Variants in GNA12 observed in about 807,000 individuals in gnomAD.
GNA12 encodes the protein G protein subunit alpha 12.
A neutral mutation model predicts 26.0 loss-of-function variants in GNA12; 9 were observed. The ratio of observed to expected loss-of-function variants is 0.35; its 90% CI spans 0.21 to 0.60. The LOEUF (loss-of-function observed/expected upper bound fraction) is 0.60, where lower values mean the gene tolerates loss of function less well. GNA12 is among the 20% of genes least tolerant of loss of function. The pLI is 0.78. For synonymous variants in GNA12, 264 were observed against 219.6 expected (o/e 1.20, Z -1.79); for missense variants, 405 against 525.8 (o/e 0.77, Z 2.25).
chr7:2,770,328 A>T lies in GNA12; in HGVS notation c.525+24600T>A, dbSNP rs1036887289. Reference sequence around the variant, plus strand: ...TTTGGAAATTAAATTAAATGATCACACAATTTTAAATTTAGGCTCAAATTG... The same window carrying T: ...TTTGGAAATTAAATTAAATGATCACTCAATTTTAAATTTAGGCTCAAATTG... On this transcript the variant is annotated intron_variant, in intron 2 of 3. Transcript: ENST00000275364. 2.0e-5 allele frequency among the ~76,000 whole-genome samples: 3 copies of T among 152,238 alleles called. No individual in the cohort carries two copies. The South Asian group carries it at 6.2e-4, about 32-fold the overall frequency.
intron 1 of GNA12, among the ~76,000 whole-genome samples, chr7:2,815,720 C>A (rs75897336): frequency 1.3e-5 from 2 of 152,188 alleles, no homozygotes; most frequent in Non-Finnish European, 2.9e-5. Flanking sequence ...TGGTGCTCCC[C>A]GTGTGGCCCC....
chr7:2,814,959 C>G (rs904462254), intron 1 of GNA12: 3 of 1,565,378 alleles, frequency 1.9e-6, no homozygotes, highest in African/African-American at 2.7e-5. Flanking sequence ...AGTAGGCGCT[C>G]TGCACTCGGC....
chr7:2,813,707 C>T (rs1166821259), intron 1 of GNA12, among the ~76,000 whole-genome samples: 1 of 152,190 alleles, frequency 6.6e-6, no homozygotes, highest in Non-Finnish European at 1.5e-5. Context: ...ACAGCGTATT[C>T]GTTAGGAGAT....
intron 1 of GNA12, among the ~76,000 whole-genome samples, chr7:2,816,398 T>G (rs1421021642): frequency 6.6e-6 from 1 of 152,140 alleles, no homozygotes; most frequent in East Asian, 1.9e-4. Context: ...GCCCAGCTAA[T>G]TTTTGTATTT....
intron 2 of GNA12, among the ~76,000 whole-genome samples, chr7:2,744,217 GCCT>G (rs1790653506): frequency 6.6e-6 from 1 of 152,356 alleles, no homozygotes; most frequent in Non-Finnish European, 1.5e-5. Context: ...CGGGCAGACT[GCCT>G]CCTCAAGTGG....
At chr7:2,820,451 G>A (rs545781525) in intron 1 of GNA12, among the ~76,000 whole-genome samples, 3 of 143,510 alleles carry the variant, frequency 2.1e-5, no homozygotes, top group East Asian at 2.0e-4. Flanking sequence ...GCTCATGCCT[G>A]TAATCCCAGC....
At chr7:2,833,995 C>A (rs1778756886) in intron 1 of GNA12, among the ~76,000 whole-genome samples, 1 of 152,162 alleles carries the variant, frequency 6.6e-6, no homozygotes. Flanking sequence ...AGCTGTTAAC[C>A]TGCAGTGCAT....
At position 2,730,393 on chromosome 7, in the gene GNA12, G is replaced by A. The variant is rs41308317; in HGVS notation, c.*788C>T. 674 of 152,646 alleles carry A rather than the reference G, an allele frequency of 4.4e-3. 6 individuals are homozygous for A. The highest frequency in any genetic ancestry group is 0.038 in the East Asian group (203 of 5,324). 9.5% of individuals were successfully genotyped at this position (152,646 alleles called of 1,614,324 possible). On this transcript the variant is annotated 3_prime_UTR_variant, in exon 4 of 4. Transcript: ENST00000275364. ...GTGCACGGACGGAGCGGCAGTCACCGTGGGCATCCTGTCTCACTCCGTGTT... is the reference window on the plus strand; with the variant it reads ...GTGCACGGACGGAGCGGCAGTCACCATGGGCATCCTGTCTCACTCCGTGTT...
intron 2 of GNA12, among the ~76,000 whole-genome samples, chr7:2,770,516 G>A (rs1415633500): frequency 6.6e-6 from 1 of 152,142 alleles, no homozygotes; most frequent in Non-Finnish European, 1.5e-5. Context: ...AGCTACCCAG[G>A]AGGCTGAAGT....
chr7:2,797,472 A>T (rs1232666693), intron 1 of GNA12, among the ~76,000 whole-genome samples: 1 of 151,242 alleles, frequency 6.6e-6, no homozygotes, highest in Non-Finnish European at 1.5e-5. Context: ...TTTAAATAAC[A>T]GTTTTACTGT....
intron 2 of GNA12, among the ~76,000 whole-genome samples, chr7:2,735,390 G>A (rs1012727403): frequency 2.6e-5 from 4 of 152,208 alleles, no homozygotes; most frequent in African/African-American, 7.2e-5. Flanking sequence ...GGTCAGGCAT[G>A]GAGAGTCACA....
At chr7:2,738,751 C>A (rs1367316720) in intron 2 of GNA12, among the ~76,000 whole-genome samples, 1 of 152,110 alleles carries the variant, frequency 6.6e-6, no homozygotes, top group Admixed American at 6.5e-5. Context: ...CAAAATTGAA[C>A]CCAAATTAAA....
intron 2 of GNA12, among the ~76,000 whole-genome samples, chr7:2,768,677 C>CAAA: frequency 1.3e-5 from 1 of 78,018 alleles, no homozygotes; most frequent in Non-Finnish European, 3.2e-5. Context: ...AAAAAAAAAA[C>CAAA]AAAACAAAAC....
chr7:2,840,065 G>C lies in GNA12; in HGVS notation c.309+3788C>G, dbSNP rs576178710. 4.3e-4 allele frequency among the ~76,000 whole-genome samples: 65 copies of C among 152,292 alleles called. No homozygotes were observed. The South Asian group carries it at 4.4e-3, about 10-fold the overall frequency. On this transcript the variant is annotated intron_variant, in intron 1 of 3. Transcript: ENST00000275364. Reference sequence around the variant, plus strand: ...GGAAGGGGAGAGAGTGGCTACAAAAGAGCAACATGAAGGGTCCTTCTCTGA... The same window carrying C: ...GGAAGGGGAGAGAGTGGCTACAAAACAGCAACATGAAGGGTCCTTCTCTGA...
intron 2 of GNA12, among the ~76,000 whole-genome samples, chr7:2,752,196 T>C (rs149097064): frequency 1.1e-4 from 17 of 152,046 alleles, no homozygotes; most frequent in African/African-American, 3.6e-4. Context: ...AATGTTTCAA[T>C]AGATGCAGAA....
At chr7:2,749,405 G>A (rs1036729776) in intron 2 of GNA12, among the ~76,000 whole-genome samples, 2 of 151,256 alleles carry the variant, frequency 1.3e-5, no homozygotes, top group African/African-American at 2.4e-5. Context: ...GCAAACTATT[G>A]CAAGGACAAA....
intron 2 of GNA12, 99 bp downstream of exon 2, chr7:2,794,829 G>A: frequency 2.3e-6 from 2 of 853,804 alleles, no homozygotes; most frequent in Middle Eastern, 3.6e-4. Context: ...AGCTTGCTTG[G>A]ACTGTTACAC....
chr7:2,741,224 G>A (rs185492333), intron 2 of GNA12, among the ~76,000 whole-genome samples: 11 of 152,190 alleles, frequency 7.2e-5, no homozygotes, highest in East Asian at 5.8e-4. Flanking sequence ...GTGGCGGCAC[G>A]CACACCTGTG....
intron 2 of GNA12, among the ~76,000 whole-genome samples, chr7:2,773,089 C>A (rs1791988948): frequency 6.6e-6 from 1 of 152,200 alleles, no homozygotes; most frequent in Admixed American, 6.5e-5. Context: ...GGAAGTGAAA[C>A]TAGCGTGGTC....
Sources: gnomAD v4.1 joint callset for allele counts (sites outside exome capture counted in the v4.1 genomes callset) on GRCh38, gnomAD v4.1.1 for gene constraint, MANE v1.5 for transcripts, NCBI Gene and HGNC (gene_info 2026-07-23, HGNC 2026-07-21) for gene names.